CSGALNACT1: variants seen among roughly 807,000 people sequenced by gnomAD.
CSGALNACT1 encodes the protein chondroitin sulfate N-acetylgalactosaminyltransferase 1, also known as beta4GalNAcT-1.
CSGALNACT1 carries 52 observed loss-of-function variants against 51.0 expected under a neutral mutation model. That is an observed-to-expected ratio of 1.02 (90% CI 0.82 to 1.29). The LOEUF is 1.29. Ranked by LOEUF, CSGALNACT1 falls within the 50% of genes most tolerant of loss-of-function variation. The probability of loss-of-function intolerance (pLI) is 0.00; values close to 1 mark genes in which losing one functional copy is unlikely to be tolerated. For synonymous variants in CSGALNACT1, 341 were observed against 254.4 expected, an observed-to-expected ratio of 1.34 and a Z score of -3.24; for missense variants, 935 against 679.2, an observed-to-expected ratio of 1.38 and a Z score of -4.19.
At chr8:19,434,490 G>A (rs1402839661) in intron 6 of CSGALNACT1, among the ~76,000 whole-genome samples, 4 of 152,122 alleles carry the variant, frequency 2.6e-5, no homozygotes, top group Non-Finnish European at 4.4e-5. Flanking sequence ...CATCTCCCAA[G>A]AAGCAAGATA....
At chr8:19,663,071 T>C (rs1448765399) in intron 1 of CSGALNACT1, among the ~76,000 whole-genome samples, 1 of 152,194 alleles carries the variant, frequency 6.6e-6, no homozygotes, top group Non-Finnish European at 1.5e-5. Flanking sequence ...ATCAATCTAT[T>C]GCGTTCCTCA....
At chr8:19,750,651 G>C (rs2064973311) in intron 1 of CSGALNACT1, among the ~76,000 whole-genome samples, 1 of 152,182 alleles carries the variant, frequency 6.6e-6, no homozygotes, top group African/African-American at 2.4e-5. Context: ...TAGTCAGTAA[G>C]GAGTAGAGCT....
At chr8:19,648,839 A>C (rs2057514886) in intron 1 of CSGALNACT1, among the ~76,000 whole-genome samples, 1 of 152,146 alleles carries the variant, frequency 6.6e-6, no homozygotes, top group Non-Finnish European at 1.5e-5. Flanking sequence ...GAACACCTTA[A>C]TGTCCATTAA....
intron 1 of CSGALNACT1, among the ~76,000 whole-genome samples, chr8:19,633,547 G>A (rs537728340): frequency 2.0e-5 from 3 of 152,316 alleles, no homozygotes; most frequent in East Asian, 1.9e-4. Flanking sequence ...AACACAATGT[G>A]AAAATGTGAC....
intron 2 of CSGALNACT1, among the ~76,000 whole-genome samples, chr8:19,597,804 CTTTG>C (rs1047429985): frequency 6.6e-6 from 1 of 152,178 alleles, no homozygotes; most frequent in African/African-American, 2.4e-5. Context: ...TCCTTCAAAC[CTTTG>C]TTTGTGAAGT....
chr8:19,511,579 G>C (rs2078473711), intron 3 of CSGALNACT1, among the ~76,000 whole-genome samples: 1 of 152,160 alleles, frequency 6.6e-6, no homozygotes, highest in African/African-American at 2.4e-5. Flanking sequence ...CTCTACCCCA[G>C]TTGAATTCCT....
At chr8:19,446,146 G>A (rs2153784407) in intron 5 of CSGALNACT1, among the ~76,000 whole-genome samples, 1 of 152,330 alleles carries the variant, frequency 6.6e-6, no homozygotes, top group South Asian at 2.1e-4. Context: ...GTGCACTCCA[G>A]CCTGGGCGAC....
chr8:19,605,520 G>C (rs2051249065), upstream of CSGALNACT1, among the ~76,000 whole-genome samples: 1 of 152,182 alleles, frequency 6.6e-6, no homozygotes, highest in Non-Finnish European at 1.5e-5. Context: ...CCAATGCCTA[G>C]TATGTTCTCC....
At chr8:19,447,419 A>G (rs56970288) in intron 5 of CSGALNACT1, among the ~76,000 whole-genome samples, 23,168 of 152,228 alleles carry the variant, frequency 0.15, 1,937 homozygotes, top group Middle Eastern at 0.26. Flanking sequence ...GAATGGGCAG[A>G]TATGATGGAC....
intron 4 of CSGALNACT1, among the ~76,000 whole-genome samples, chr8:19,486,403 A>G (rs576858005): frequency 2.0e-5 from 3 of 152,244 alleles, no homozygotes; most frequent in African/African-American, 7.2e-5. Context: ...GGGTCTTCCC[A>G]TCTCACTGAG....
In CSGALNACT1 at chr8:19,667,696, A is replaced by G. The variant is rs1001545913; in HGVS notation, c.-544+14777T>C. On this transcript the variant is annotated intron_variant, in intron 1 of 9. Transcript: ENST00000332246. ...TCTTCCTCAGATCAGGAGAGCTTTC[A>G]AAGAGCTGCAAAGGTCATTTGCTGC... Among the ~76,000 whole-genome samples the G allele has an allele frequency of 4.6e-5, 7 of 152,232 alleles. No individual in the cohort carries two copies. In the East Asian group the frequency reaches 9.6e-4, roughly 21 times the overall value.
intron 4 of CSGALNACT1, 67 bp from the exon 4 acceptor site, chr8:19,458,709 C>G (rs189481573): frequency 1.4e-6 from 2 of 1,420,002 alleles, no homozygotes; most frequent in African/African-American, 2.8e-5. Flanking sequence ...GTTTTTCAAC[C>G]GAGATCTAGC....
intron 4 of CSGALNACT1, among the ~76,000 whole-genome samples, chr8:19,479,510 G>T (rs4442163): frequency 0.78 from 118,601 of 151,572 alleles, 46,592 homozygotes; most frequent in East Asian, 0.86. Context: ...ACTATTTAAT[G>T]GTCCTCATTA....
chr8:19,690,937 CT>C (rs1213174206), intron 1 of CSGALNACT1, among the ~76,000 whole-genome samples: 1 of 152,120 alleles, frequency 6.6e-6, no homozygotes, highest in Non-Finnish European at 1.5e-5. Flanking sequence ...TATTAAAAAT[CT>C]CCATGGCACT....
intron 1 of CSGALNACT1, among the ~76,000 whole-genome samples, chr8:19,726,541 A>T (rs2063411912): frequency 6.6e-6 from 1 of 152,218 alleles, no homozygotes; most frequent in South Asian, 2.1e-4. Flanking sequence ...AAGTCAAGCT[A>T]ATTAACATAT....
intron 3 of CSGALNACT1, among the ~76,000 whole-genome samples, chr8:19,590,640 C>CTTTTTTTTTTTTTTTTTTTTTT (rs34859554): frequency 1.4e-5 from 1 of 68,982 alleles, no homozygotes; most frequent in African/African-American, 5.5e-5. Flanking sequence ...GACCTAACTA[C>CTTTTTTTTTTTTTTTTTTTTTT]TTTTTTTTTT....
chr8:19,620,430 CTT>C (rs35123924), intron 1 of CSGALNACT1, among the ~76,000 whole-genome samples: 4 of 142,130 alleles, frequency 2.8e-5, no homozygotes, highest in African/African-American at 2.6e-5. Flanking sequence ...GGAAAAGAAT[CTT>C]TTTTTTTTTT....
At chr8:19,528,467 C>T (rs1340269942) in intron 3 of CSGALNACT1, among the ~76,000 whole-genome samples, 2 of 152,178 alleles carry the variant, frequency 1.3e-5, no homozygotes, top group African/African-American at 4.8e-5. Flanking sequence ...GTCAACATGT[C>T]ACCCGCAAAA....
chr8:19,691,488 A>C (rs1042071384), intron 1 of CSGALNACT1, among the ~76,000 whole-genome samples: 2 of 152,208 alleles, frequency 1.3e-5, no homozygotes, highest in Non-Finnish European at 2.9e-5. Flanking sequence ...ACTTAAGAAA[A>C]TCACTAGGCC....
Sources: allele counts gnomAD v4.1 joint callset (sites outside exome capture counted in the v4.1 genomes callset), GRCh38; gene constraint gnomAD v4.1.1; transcripts MANE v1.5; gene names NCBI Gene and HGNC (gene_info 2026-07-23, HGNC 2026-07-21).